The following FAM83B variants were observed in gnomAD, a reference collection of about 807,000 sequenced individuals.
FAM83B encodes protein FAM83B.
In FAM83B, 26 loss-of-function variants were observed where a neutral mutation model predicts 38.8. The observed-to-expected ratio is 0.67, with a 90% CI of 0.49 to 0.93. The LOEUF (loss-of-function observed/expected upper bound fraction) is 0.93, where lower values mean the gene tolerates loss of function less well. Ranked by LOEUF, FAM83B falls within the 40% of genes least tolerant of loss-of-function variation. The probability of loss-of-function intolerance (pLI) is 0.00; values close to 1 mark genes in which losing one functional copy is unlikely to be tolerated. For synonymous variants in FAM83B, 419 were observed against 423.1 expected (o/e 0.99, Z 0.12); for missense variants, 1,237 against 1,197.3 (o/e 1.03, Z -0.49).
chr6:54,883,089 C>T (rs1021499837), intron 2 of FAM83B, among the ~76,000 whole-genome samples: 2 of 152,048 alleles, frequency 1.3e-5, no homozygotes, highest in Non-Finnish European at 2.9e-5. Context: ...AGGCACCCAC[C>T]ACCACGCCCG....
intron 4 of FAM83B, among the ~76,000 whole-genome samples, chr6:54,928,543 T>A (rs962990493): frequency 6.6e-6 from 1 of 152,160 alleles, no homozygotes; most frequent in Non-Finnish European, 1.5e-5. Flanking sequence ...TTCTGCTAAC[T>A]CTCTCTTTAA....
intron 4 of FAM83B, among the ~76,000 whole-genome samples, chr6:54,931,762 A>G (rs1239642867): frequency 6.6e-6 from 1 of 152,002 alleles, no homozygotes; most frequent in African/African-American, 2.4e-5. Flanking sequence ...TCAGTCAATT[A>G]AAGTCTTTCA....
intron 1 of FAM83B, among the ~76,000 whole-genome samples, chr6:54,863,987 T>C (rs967557448): frequency 1.3e-5 from 2 of 152,206 alleles, no homozygotes; most frequent in Non-Finnish European, 2.9e-5. Flanking sequence ...TTTAATTTTA[T>C]TTGCATTTTT....
intron 1 of FAM83B, among the ~76,000 whole-genome samples, chr6:54,847,488 A>G (rs1435205703): frequency 6.6e-6 from 1 of 152,094 alleles, no homozygotes; most frequent in African/African-American, 2.4e-5. Context: ...GCAGCTCTCC[A>G]GGAGAGCCTG....
chr6:54,909,884 C>T (rs955211498), intron 2 of FAM83B, among the ~76,000 whole-genome samples: 4 of 151,946 alleles, frequency 2.6e-5, no homozygotes, highest in African/African-American at 9.7e-5. Flanking sequence ...AAAGAAAAGA[C>T]GGGGATTTTG....
intron 2 of FAM83B, among the ~76,000 whole-genome samples, chr6:54,906,540 A>G (rs980109145): frequency 9.9e-5 from 15 of 152,036 alleles, no homozygotes; most frequent in African/African-American, 3.6e-4. Context: ...GCGTGCCCCT[A>G]TGCCCAGCTA....
intron 4 of FAM83B, among the ~76,000 whole-genome samples, chr6:54,932,564 G>C (rs996588551): frequency 2.0e-5 from 3 of 152,106 alleles, no homozygotes; most frequent in Non-Finnish European, 2.9e-5. Flanking sequence ...TTTTACTGGA[G>C]AACTTGATAT....
chr6:54,851,150 T>C (rs143263755), intron 1 of FAM83B, among the ~76,000 whole-genome samples: 50 of 152,100 alleles, frequency 3.3e-4, no homozygotes, highest in African/African-American at 1.2e-3. Context: ...CCTGTGATTC[T>C]TTTTTTTAGT....
At chr6:54,868,704 G>A (rs2127574793) in intron 1 of FAM83B, among the ~76,000 whole-genome samples, 1 of 152,240 alleles carries the variant, frequency 6.6e-6, no homozygotes, top group East Asian at 1.9e-4. Context: ...GCACTGTGGA[G>A]CCTAGGATCC....
intron 1 of FAM83B, among the ~76,000 whole-genome samples, chr6:54,851,454 T>G (rs1771285262): frequency 6.6e-6 from 1 of 152,024 alleles, no homozygotes; most frequent in Non-Finnish European, 1.5e-5. Context: ...TTTATTTACA[T>G]TTTGTTTTGT....
intron 1 of FAM83B, among the ~76,000 whole-genome samples, chr6:54,866,201 GT>G (rs113878349): frequency 0.033 from 4,694 of 144,414 alleles, 262 homozygotes; most frequent in African/African-American, 0.11. Flanking sequence ...TGTGCTATAG[GT>G]TTTTTTTTTT....
intron 2 of FAM83B, among the ~76,000 whole-genome samples, chr6:54,922,204 G>T (rs1028677330): frequency 3.3e-5 from 5 of 151,922 alleles, no homozygotes; most frequent in African/African-American, 1.2e-4. Flanking sequence ...CTAGTAATGT[G>T]TTTTTGTTCA....
chr6:54,918,327 ACT>A (rs1477526113), intron 2 of FAM83B, among the ~76,000 whole-genome samples: 1 of 152,166 alleles, frequency 6.6e-6, no homozygotes, highest in Non-Finnish European at 1.5e-5. Context: ...GGGATTTCTA[ACT>A]CTGTAGTAAT....
At chr6:54,884,795 C>T (rs1168655406) in intron 2 of FAM83B, among the ~76,000 whole-genome samples, 4 of 143,542 alleles carry the variant, frequency 2.8e-5, no homozygotes, top group East Asian at 2.0e-4. Context: ...TTTTTTGAAA[C>T]GGAGTCTAGC....
rs759117235 is a variant in FAM83B, at chr6:54,941,931, G to A, written c.2960G>A (p.Arg987His). Residue 987 changes from arginine (R) to histidine (H), a missense_variant, in exon 5 of 5, where the codon CGC becomes CAC. Arg to His is a conservative substitution (Grantham distance 29). Coordinates refer to ENST00000306858, the MANE Select transcript of FAM83B (RefSeq NM_001010872.3). ...CTTAATTACAACACTGGTGTTTATCGCTCATATCAACCCAATGAGAACAAG... is the reference window on the plus strand; with the variant it reads ...CTTAATTACAACACTGGTGTTTATCACTCATATCAACCCAATGAGAACAAG... ...PLLNYNTGVYRSYQPNENKFR... is the reference protein window; with the variant it reads ...PLLNYNTGVYHSYQPNENKFR... The A allele has an allele frequency of 4.2e-5, 67 of 1,613,714 alleles. No homozygotes were observed. In the Admixed American group the frequency reaches 7.8e-4, roughly 19 times the overall value.
Position 54,933,142 on chromosome 6 carries a change from CT to C in FAM83B, c.734+5520del, listed in dbSNP as rs58637379. On this transcript the variant is annotated intron_variant, in intron 4 of 4. Coordinates refer to ENST00000306858, the MANE Select transcript of FAM83B (RefSeq NM_001010872.3). ...AGTATATCTTTGCTTTTCTTCATTCCTTTTTTTTTTCATTTTGCTCTTCTGA... is the reference window on the plus strand; with the variant it reads ...AGTATATCTTTGCTTTTCTTCATTCCTTTTTTTTTCATTTTGCTCTTCTGA... 4.1e-3 allele frequency among the ~76,000 whole-genome samples: 597 copies of C among 147,316 alleles called. 1 individual carries two copies. Among genetic ancestry groups the C allele is most frequent in the African/African-American group, 0.014 (552 of 40,300 alleles).
intron 2 of FAM83B, among the ~76,000 whole-genome samples, chr6:54,904,274 A>G (rs188750242): frequency 6.6e-6 from 1 of 152,188 alleles, no homozygotes; most frequent in South Asian, 2.1e-4. Flanking sequence ...ATATGTAGGC[A>G]GTTATCAAGT....
intron 2 of FAM83B, among the ~76,000 whole-genome samples, chr6:54,888,522 A>C (rs1378459399): frequency 6.6e-6 from 1 of 151,906 alleles, no homozygotes; most frequent in Non-Finnish European, 1.5e-5. Context: ...TATGGAATAA[A>C]AGTTGTTATT....
At chr6:54,864,785 T>C (rs1281259122) in intron 1 of FAM83B, among the ~76,000 whole-genome samples, 1 of 152,230 alleles carries the variant, frequency 6.6e-6, no homozygotes, top group African/African-American at 2.4e-5. Context: ...TGATTTTATA[T>C]GAAAGAGATG....
Sources: allele counts gnomAD v4.1 joint callset (sites outside exome capture counted in the v4.1 genomes callset), GRCh38; gene constraint gnomAD v4.1.1; transcripts MANE v1.5; gene names NCBI Gene and HGNC (gene_info 2026-07-23, HGNC 2026-07-21).